Variants in PSMA8 observed in about 807,000 individuals in gnomAD.
The protein encoded by PSMA8 is proteasome subunit alpha-type 8.
Under a neutral mutation model 32.4 loss-of-function variants are expected in PSMA8, and 18 were observed. The ratio of observed to expected loss-of-function variants is 0.56; its 90% confidence interval spans 0.38 to 0.82. The LOEUF is 0.82. Among genes scored for constraint, PSMA8 ranks in the 40% least tolerant of loss-of-function variants. The pLI, the probability that PSMA8 is intolerant of heterozygous loss-of-function variation, is 0.00. For missense variants in PSMA8, 298 were observed against 300.7 expected (o/e 0.99, Z 0.07); for synonymous variants, 104 against 98.1 (o/e 1.06, Z -0.36).
chr18:26,147,622 A>G (rs984603984), intron 2 of PSMA8, among the ~76,000 whole-genome samples: 3 of 152,222 alleles, frequency 2.0e-5, no homozygotes, highest in Non-Finnish European at 2.9e-5. Flanking sequence ...CCTAGATTGT[A>G]TATCATATTG....
intron 6 of PSMA8, among the ~76,000 whole-genome samples, chr18:26,190,154 T>A (rs889087766): frequency 6.6e-6 from 1 of 151,710 alleles, no homozygotes; most frequent in Non-Finnish European, 1.5e-5. Context: ...GGAAGGGTAG[T>A]GGGGGGCAGG....
chr18:26,157,900 T>A (rs571314248), intron 3 of PSMA8, among the ~76,000 whole-genome samples: 5 of 152,292 alleles, frequency 3.3e-5, no homozygotes, highest in African/African-American at 9.6e-5. Flanking sequence ...TTTAAGACTA[T>A]ATGTAAATAA....
chr18:26,182,153 TA>T (rs2055317292), intron 6 of PSMA8, among the ~76,000 whole-genome samples: 1 of 152,104 alleles, frequency 6.6e-6, no homozygotes, highest in South Asian at 2.1e-4. Flanking sequence ...CTTCATAACA[TA>T]AAGGTGCAAG....
intron 1 of PSMA8, among the ~76,000 whole-genome samples, chr18:26,135,799 G>T (rs2054906791): frequency 6.6e-6 from 1 of 152,122 alleles, no homozygotes; most frequent in Non-Finnish European, 1.5e-5. Context: ...GTAATAAGCG[G>T]TAAAAGGGTA....
At chr18:26,151,417 G>T (rs1413129081) in intron 2 of PSMA8, among the ~76,000 whole-genome samples, 2 of 152,198 alleles carry the variant, frequency 1.3e-5, no homozygotes, top group Non-Finnish European at 2.9e-5. Flanking sequence ...TTAATCACAT[G>T]ATAGTTTGTT....
chr18:26,166,459 T>G (rs2055180834), intron 4 of PSMA8, among the ~76,000 whole-genome samples: 1 of 152,152 alleles, frequency 6.6e-6, no homozygotes, highest in Non-Finnish European at 1.5e-5. Flanking sequence ...AATTAAAAAC[T>G]CAATAAATTT....
intron 4 of PSMA8, among the ~76,000 whole-genome samples, chr18:26,164,904 TTTTTGTTTTG>T (rs542729116): frequency 1.9e-4 from 29 of 151,898 alleles, no homozygotes; most frequent in African/African-American, 6.0e-4. Context: ...GTTTTTGGTT[TTTTTGTTTTG>T]TTTTGTTTTG....
At chr18:26,134,343 GTGTGTGTGTGTGTGTGTGTGTCTCTGTGT>G (rs2054892371) in intron 1 of PSMA8, among the ~76,000 whole-genome samples, 2 of 141,676 alleles carry the variant, frequency 1.4e-5, no homozygotes, top group Non-Finnish European at 3.1e-5. Context: ...GTGTGTGGGT[GTGTGTGTGTGTGTGTGTGTGTCTCTGTGT>G]GTGTGTGTGT....
intron 4 of PSMA8, among the ~76,000 whole-genome samples, chr18:26,177,023 G>A (rs1468222909): frequency 6.6e-6 from 1 of 152,108 alleles, no homozygotes; most frequent in Non-Finnish European, 1.5e-5. Context: ...CTTTGTGTTT[G>A]TTCTTTTTAC....
intron 1 of PSMA8, among the ~76,000 whole-genome samples, chr18:26,137,788 T>A (rs1177558214): frequency 6.6e-6 from 1 of 152,134 alleles, no homozygotes; most frequent in South Asian, 2.1e-4. Context: ...GATAATTACA[T>A]AAATAGTCCT....
At chr18:26,180,809 A>G (rs1270264653) in intron 6 of PSMA8, among the ~76,000 whole-genome samples, 1 of 152,128 alleles carries the variant, frequency 6.6e-6, no homozygotes, top group Non-Finnish European at 1.5e-5. Flanking sequence ...CTTCCACATG[A>G]TACTTTAGGA....
At position 26,164,125 on chromosome 18, in the gene PSMA8, G is replaced by A. The variant is rs79461899; in HGVS notation, c.477+5881G>A. Among the ~76,000 whole-genome samples the A allele has an allele frequency of 4.5e-3, 682 of 152,308 alleles. 5 individuals carry two copies. Among genetic ancestry groups the A allele is most frequent in the African/African-American group, 0.015 (610 of 41,560 alleles). On this transcript the variant is annotated intron_variant, in intron 4 of 6. Transcript: ENST00000415576. ...CCTTTACAAGAACAGTTTGGATGGAGTGATGGTGATGAAAGCATGACTGGA... is the reference window on the plus strand; with the variant it reads ...CCTTTACAAGAACAGTTTGGATGGAATGATGGTGATGAAAGCATGACTGGA...
chr18:26,140,011 T>G (rs1216486878), intron 1 of PSMA8: 1 of 701,046 alleles, frequency 1.4e-6, no homozygotes, highest in East Asian at 2.7e-5. Flanking sequence ...AAGAAATTCA[T>G]AGATCTCCAT....
At chr18:26,162,653 C>G (rs975773120) in intron 4 of PSMA8, among the ~76,000 whole-genome samples, 1 of 152,052 alleles carries the variant, frequency 6.6e-6, no homozygotes, top group East Asian at 1.9e-4. Flanking sequence ...ATCACAAGGT[C>G]AGGAGATTGA....
intron 2 of PSMA8, 54 bp downstream of exon 2, chr18:26,144,739 A>T: frequency 1.3e-6 from 2 of 1,554,622 alleles, no homozygotes; most frequent in Non-Finnish European, 1.8e-6. Flanking sequence ...GTAGGGCAAC[A>T]CAGTTAACCT....
At position 26,192,829 on chromosome 18, in the gene PSMA8, T is replaced by C. The variant is rs1474167554; in HGVS notation, c.*418T>C. ...TAAATATAATATTGAGCTGCATTTC[T>C]CAAAGAATGACAAAAGCATCCTTAT... On this transcript the variant is annotated 3_prime_UTR_variant, in exon 7 of 7. Transcript: ENST00000415576. The C allele has an allele frequency of 1.3e-5, 2 of 152,292 alleles. No individual in the cohort carries two copies. Among genetic ancestry groups the C allele is most frequent in the African/African-American group, 4.8e-5 (2 of 41,464 alleles). 9.4% of individuals were successfully genotyped at this position (152,292 alleles called of 1,614,324 possible). A position where few individuals can be genotyped will look rare whatever the true frequency, so the allele number is the denominator to read the frequency against.
intron 3 of PSMA8, among the ~76,000 whole-genome samples, chr18:26,154,502 A>C (rs114382777): frequency 0.016 from 2,499 of 152,278 alleles, 67 homozygotes; most frequent in African/African-American, 0.057. Context: ...GAGTGTATTT[A>C]CGGAAACATA....
At chr18:26,182,975 C>A (rs948446031) in intron 6 of PSMA8, among the ~76,000 whole-genome samples, 1 of 151,614 alleles carries the variant, frequency 6.6e-6, no homozygotes, top group East Asian at 1.9e-4. Flanking sequence ...ATCTGTAATC[C>A]CAGCTACTTA....
At position 26,141,579 on chromosome 18, in the gene PSMA8, G is replaced by A. The variant is rs114049616; in HGVS notation, c.103-2980G>A. ...ACATTTGTTCATTTGATGAGGATAGGATAGGGAGGGAGGATGGCTGATCTG... is the reference window on the plus strand; with the variant it reads ...ACATTTGTTCATTTGATGAGGATAGAATAGGGAGGGAGGATGGCTGATCTG... On this transcript the variant is annotated intron_variant, in intron 1 of 6. Transcript: ENST00000415576. Among the ~76,000 whole-genome samples the A allele has an allele frequency of 3.3e-3, 496 of 152,208 alleles. 4 individuals are homozygous for A. The highest frequency in any genetic ancestry group is 0.011 in the African/African-American group (439 of 41,548).
Sources: gnomAD v4.1 joint callset for allele counts (sites outside exome capture counted in the v4.1 genomes callset) on GRCh38, gnomAD v4.1.1 for gene constraint, MANE v1.5 for transcripts, NCBI Gene and HGNC (gene_info 2026-07-23, HGNC 2026-07-21) for gene names.